Variants in HDLBP observed in about 807,000 individuals in gnomAD.
HDLBP encodes the protein vigilin.
HDLBP carries 30 observed loss-of-function variants against 137.3 expected under a neutral mutation model. The observed-to-expected ratio is 0.22, with a 90% confidence interval of 0.16 to 0.30. The LOEUF (loss-of-function observed/expected upper bound fraction) is 0.30. HDLBP is among the 10% of genes least tolerant of loss of function. The pLI, the probability that HDLBP is intolerant of heterozygous loss-of-function variation, is 1.00. For missense variants in HDLBP, 1,119 were observed against 1,667.3 expected (o/e 0.67, Z 5.73); for synonymous variants, 606 against 596.0 (o/e 1.02, Z -0.24).
intron 1 of HDLBP, among the ~76,000 whole-genome samples, chr2:241,279,248 G>A (rs1419746244): frequency 6.6e-6 from 1 of 152,036 alleles, no homozygotes; most frequent in East Asian, 1.9e-4. Context: ...GTGTGTGTAT[G>A]GAATTTTACA....
At chr2:241,302,395 A>C (rs2075425984) in intron 1 of HDLBP, among the ~76,000 whole-genome samples, 1 of 112,714 alleles carries the variant, frequency 8.9e-6, no homozygotes, top group African/African-American at 2.6e-5. Flanking sequence ...CCATTTTGAC[A>C]AAAAAAATAA....
intron 1 of HDLBP, among the ~76,000 whole-genome samples, chr2:241,289,390 G>A (rs970128171): frequency 6.6e-6 from 1 of 152,156 alleles, no homozygotes. Flanking sequence ...CCCTAGAAAC[G>A]CTTACTTATA....
At chr2:241,294,051 C>G (rs1029471782) in intron 1 of HDLBP, among the ~76,000 whole-genome samples, 119 of 152,114 alleles carry the variant, frequency 7.8e-4, no homozygotes, top group Non-Finnish European at 2.5e-4. Context: ...AACACACACC[C>G]GAGATTACAA....
In HDLBP at chr2:241,246,466, C is replaced by T. The variant is rs974614113; in HGVS notation, c.1950+286G>A. 19 of 346,882 alleles carry T rather than the reference C, an allele frequency of 5.5e-5. No individual in the cohort carries two copies. The Admixed American group carries it at 6.2e-4, about 11-fold the overall frequency. 21.5% of individuals were successfully genotyped at this position (346,882 alleles called of 1,614,324 possible). On this transcript the variant is annotated intron_variant, in intron 16 of 27. Transcript: ENST00000310931. ...AATTTTTTTTAAAGGAAAGAAAATA[C>T]CGTAAATACCTTCAGATAAGATTTT...
intron 5 of HDLBP, among the ~76,000 whole-genome samples, chr2:241,259,169 A>C (rs2072950521): frequency 6.6e-6 from 1 of 152,238 alleles, no homozygotes; most frequent in East Asian, 1.9e-4. Flanking sequence ...ACTGATATGC[A>C]GACACCTCCA....
chr2:241,254,714 G>A (rs2072477319), intron 9 of HDLBP, among the ~76,000 whole-genome samples: 2 of 151,972 alleles, frequency 1.3e-5, no homozygotes, highest in Admixed American at 6.6e-5. Flanking sequence ...TCGATCTCCT[G>A]ACCTCATGAG....
At position 241,230,121 on chromosome 2, in the gene HDLBP, G is replaced by A. The variant is rs765173684; in HGVS notation, c.3591+32C>T. ...CTCAGGCCGGTGGACGTGCCAGGGC[G>A]CCTCAGGGCTCCAAGGCCCACAGAG... is the stretch of plus-strand genomic sequence containing the variant. On this transcript the variant is annotated intron_variant, in intron 26 of 27. Transcript: ENST00000310931. This position sits in a 1 kb window ranked among gnomAD's most constrained non-coding sequence, Gnocchi z 5.0. 1.6e-5 allele frequency: 25 copies of A among 1,589,380 alleles called. No individual in the cohort carries two copies. In the East Asian group the frequency reaches 1.8e-4, roughly 11 times the overall value.
At chr2:241,236,389 C>T (rs2070441693) in intron 21 of HDLBP, 4 of 568,212 alleles carry the variant, frequency 7.0e-6, no homozygotes, top group East Asian at 5.9e-5. Context: ...GCAGCTGTCC[C>T]AGAAAGGGGC....
At position 241,235,484 on chromosome 2, in the gene HDLBP, G is replaced by A. The variant is rs772540504; in HGVS notation, c.3009+6C>T. The A allele has an allele frequency of 4.4e-6, 7 of 1,608,814 alleles. No individual in the cohort carries two copies. In the Admixed American group the frequency reaches 1.2e-4, roughly 27 times the overall value. The stretch of plus-strand genomic sequence containing the variant: ...TGTGACATGGCCTCCCGGGAAAGGG[G>A]TCTACCTCAAACTCATCCATCATCT... On this transcript the variant is annotated splice_donor_region_variant and intron_variant, in intron 22 of 27. Coordinates refer to ENST00000310931, the MANE Select transcript of HDLBP (RefSeq NM_005336.6).
chr2:241,267,973 T>C (rs1056382380), intron 2 of HDLBP: 6 of 982,928 alleles, frequency 6.1e-6, no homozygotes, highest in African/African-American at 1.8e-5. Flanking sequence ...GAGGTAGGAA[T>C]GTTAGCTTCC....
Position 241,250,316 on chromosome 2 carries a change from G to T in HDLBP, c.1373-336C>A, listed in dbSNP as rs527463019. ...GGCCAGGGCTTCAGAATAGTTGAAG[G>T]ATTCCAGGTGTTTCTAATGTGCAGT... is the stretch of plus-strand genomic sequence containing the variant. On this transcript the variant is annotated intron_variant, in intron 11 of 27. Coordinates refer to ENST00000310931, the MANE Select transcript of HDLBP (RefSeq NM_005336.6). The T allele has an allele frequency of 2.1e-4, 40 of 194,292 alleles. 1 individual carries two copies. The South Asian group carries it at 6.3e-3, about 31-fold the overall frequency. 12.0% of individuals were successfully genotyped at this position (194,292 alleles called of 1,614,324 possible). A position where few individuals can be genotyped will look rare whatever the true frequency, so the allele number is the denominator to read the frequency against.
At chr2:241,270,896 C>T (rs1384016485) in intron 1 of HDLBP, 3 of 839,960 alleles carry the variant, frequency 3.6e-6, no homozygotes, top group East Asian at 2.5e-4. Flanking sequence ...ATCTCAGATT[C>T]TCACTGGATC....
At chr2:241,264,871 T>C (rs3771343) in intron 3 of HDLBP, among the ~76,000 whole-genome samples, 48,409 of 151,982 alleles carry the variant, frequency 0.32, 8,419 homozygotes, top group East Asian at 0.51. Flanking sequence ...CATGGCCTCC[T>C]TGGTAAACAT....
intron 16 of HDLBP, chr2:241,243,825 A>C (rs1415220263): frequency 6.6e-6 from 1 of 152,254 alleles, no homozygotes; most frequent in Non-Finnish European, 1.5e-5. Context: ...GTGACTTCAC[A>C]AACACAAAAT....
intron 17 of HDLBP, among the ~76,000 whole-genome samples, chr2:241,241,241 G>C (rs946887230): frequency 1.3e-5 from 2 of 152,102 alleles, no homozygotes; most frequent in African/African-American, 4.8e-5. Context: ...ACTGTCCACA[G>C]ACCACGTGAT....
Position 241,230,424 on chromosome 2 carries a change from C to G in HDLBP, c.3475-155G>C, listed in dbSNP as rs1402051075. On this transcript the variant is annotated intron_variant, in intron 25 of 27. Coordinates refer to ENST00000310931, the MANE Select transcript of HDLBP (RefSeq NM_005336.6). The surrounding 1 kb of genome is among the most constrained non-coding windows in gnomAD (Gnocchi z 5.0). ...GAAGTCAGTCAGCCTCATCACCACACCAAGTTAGGTGTATCTCAGGAGCAC... is the reference window on the plus strand; with the variant it reads ...GAAGTCAGTCAGCCTCATCACCACAGCAAGTTAGGTGTATCTCAGGAGCAC... Among the ~76,000 whole-genome samples, 1 of 152,258 alleles carries G rather than the reference C, an allele frequency of 6.6e-6. No individual in the cohort carries two copies. Among genetic ancestry groups the G allele is most frequent in the African/African-American group, 2.4e-5 (1 of 41,474 alleles).
chr2:241,265,732 C>G (rs940606519), intron 3 of HDLBP, among the ~76,000 whole-genome samples: 1 of 152,228 alleles, frequency 6.6e-6, no homozygotes, highest in Admixed American at 6.5e-5. Flanking sequence ...GGCTCATGCC[C>G]AAGTCCAGGC....
intron 12 of HDLBP, among the ~76,000 whole-genome samples, chr2:241,248,799 T>A (rs2071882916): frequency 6.6e-6 from 1 of 152,020 alleles, no homozygotes; most frequent in African/African-American, 2.4e-5. Context: ...TTTCCCCGCA[T>A]GGCTAAGAAC....
At chr2:241,280,216 G>A (rs1295583291) in intron 1 of HDLBP, 2 of 648,728 alleles carry the variant, frequency 3.1e-6, no homozygotes, top group African/African-American at 2.0e-5. Context: ...ATTATATGTG[G>A]CTCATATTAC....
Sources: gnomAD v4.1 joint callset for allele counts (sites outside exome capture counted in the v4.1 genomes callset) on GRCh38, gnomAD v4.1.1 for gene constraint, Gnocchi (gnomAD v3.1) non-coding constraint, MANE v1.5 for transcripts, NCBI Gene and HGNC (gene_info 2026-07-23, HGNC 2026-07-21) for gene names.